The following PCDHGA9 variants were observed in gnomAD, a reference collection of about 807,000 sequenced individuals.
PCDHGA9 encodes the protein protocadherin gamma-A9.
In PCDHGA9, 37 loss-of-function variants were observed where a neutral mutation model predicts 62.5. The ratio of observed to expected loss-of-function variants is 0.59; its 90% CI spans 0.46 to 0.78. The LOEUF (loss-of-function observed/expected upper bound fraction) is 0.78, where lower values mean the gene tolerates loss of function less well. Among genes scored for constraint, PCDHGA9 ranks in the 30% least tolerant of loss-of-function variants. PCDHGA9 has a pLI of 0.00. For missense variants in PCDHGA9, 1,138 were observed against 1,166.2 expected (o/e 0.98, Z 0.35); for synonymous variants, 459 against 484.6 (o/e 0.95, Z 0.69).
Position 141,402,908 on chromosome 5 carries a change from G to A in PCDHGA9, c.-45G>A, listed in dbSNP as rs772824235. On this transcript the variant is annotated 5_prime_UTR_variant, in exon 1 of 4. Coordinates refer to ENST00000573521, the MANE Select transcript of PCDHGA9 (RefSeq NM_018921.3). The stretch of plus-strand genomic sequence containing the variant: ...GTGGAAGAAAGAACCTGATGAAGCA[G>A]CGCGCACAGAGATCCTTTTGAGAAA... 1 of 1,545,226 alleles carries A rather than the reference G, an allele frequency of 6.5e-7. No homozygotes were observed. Among genetic ancestry groups the A allele is most frequent in the Admixed American group, 2.0e-5 (1 of 49,136 alleles).
At position 141,423,686 on chromosome 5, in the gene PCDHGA9, A is replaced by T. The variant is rs752078243; in HGVS notation, c.2424+18310A>T. 10 of 1,328,296 alleles carry T rather than the reference A, an allele frequency of 7.5e-6. No homozygotes were observed. The East Asian group carries it at 3.6e-4, about 47-fold the overall frequency. The allele number at this position is 1,328,296 out of a possible 1,614,324, so 82.3% of individuals were successfully genotyped here. The stretch of plus-strand genomic sequence containing the variant: ...GTGAGATTTATTTCTCTGCCTCCTA[A>T]TTGTTGGTGTCTTGGCACAAGTCTT... On this transcript the variant is annotated intron_variant, in intron 1 of 3. Transcript: ENST00000573521.
intron 1 of PCDHGA9, among the ~76,000 whole-genome samples, chr5:141,448,871 G>A (rs1326162054): frequency 6.6e-6 from 1 of 152,148 alleles, no homozygotes; most frequent in Non-Finnish European, 1.5e-5. Flanking sequence ...CGTGAACCTG[G>A]GAGGCGGAGC....
At chr5:141,494,064 G>T (rs1233070772) in intron 1 of PCDHGA9, among the ~76,000 whole-genome samples, 2 of 152,160 alleles carry the variant, frequency 1.3e-5, no homozygotes, top group South Asian at 2.1e-4. Flanking sequence ...TGTGGGAGCT[G>T]GATCCCTCCC....
intron 1 of PCDHGA9, among the ~76,000 whole-genome samples, chr5:141,456,703 G>T (rs528071544): frequency 1.3e-5 from 2 of 152,062 alleles, no homozygotes; most frequent in Non-Finnish European, 2.9e-5. Context: ...GGTGGCTCGC[G>T]CCTGTAATCC....
Position 141,404,213 on chromosome 5 carries a change from A to G in PCDHGA9, c.1261A>G (p.Thr421Ala). ...AGAAAAAGCCTCAGAATATAATATC[A>G]CGGTGACTGCAACAGACAGAGGAAC... ...DREKASEYNI[T>A]VTATDRGTPP... is the part of the protein sequence containing the mutation. The change falls in exon 1 of 4, where the codon ACG becomes GCG. Residue 421 changes from threonine to alanine, a missense_variant. By Grantham distance (58) the Thr-to-Ala change is moderately conservative. Transcript: ENST00000573521. 6.2e-7 allele frequency: 1 copy of G among 1,613,516 alleles called. No homozygotes were observed. The highest frequency in any genetic ancestry group is 8.5e-7 in the Non-Finnish European group (1 of 1,179,556).
intron 1 of PCDHGA9, among the ~76,000 whole-genome samples, chr5:141,479,977 A>G (rs145953890): frequency 0.015 from 2,300 of 152,320 alleles, 30 homozygotes; most frequent in Non-Finnish European, 0.024. Context: ...AGGTTCTACC[A>G]TTTACCAACT....
Position 141,403,699 on chromosome 5 carries a change from TAA to T in PCDHGA9, c.749_750del (p.Lys250SerfsTer3). Reference protein sequence around the residue: ...PVFAQRIYRVKVLENVPPGTW... With the variant: ...PVFAQRIYRVXVLENVPPGTW... ...TTTTTGCTCAACGGATTTACCGAGT[TAA>T]AGTCCTTGAGAACGTGCCCCCAGGC... is the stretch of plus-strand genomic sequence containing the variant. On this transcript the variant is annotated frameshift_variant, in exon 1 of 4. Transcript: ENST00000573521. LOFTEE classifies it high-confidence loss of function. The T allele has an allele frequency of 6.2e-7, 1 of 1,613,934 alleles. No homozygotes were observed. Among genetic ancestry groups the T allele is most frequent in the East Asian group, 2.2e-5 (1 of 44,866 alleles).
chr5:141,409,624 G>C lies in PCDHGA9; in HGVS notation c.2424+4248G>C, dbSNP rs747166507. 11 of 1,613,728 alleles carry C rather than the reference G, an allele frequency of 6.8e-6. No homozygotes were observed. The South Asian group carries it at 8.8e-5, about 13-fold the overall frequency. On this transcript the variant is annotated intron_variant, in intron 1 of 3. Transcript: ENST00000573521. The stretch of plus-strand genomic sequence containing the variant: ...CGCCAGGAGCCTCCATTGCGCAAGT[G>C]AGCGCCTCTGACCCGGATTTGGGGC...
Position 141,489,338 on chromosome 5 carries a change from A to T in PCDHGA9, c.2425-5469A>T, listed in dbSNP as rs1303176012. 1 of 1,608,414 alleles carries T rather than the reference A, an allele frequency of 6.2e-7. No homozygotes were observed. Among genetic ancestry groups the T allele is most frequent in the South Asian group, 1.1e-5 (1 of 90,478 alleles). ...GGCTGGGTGTCTGGGCAGCTTCGTTACTCAGTGGTGGAGGAGTCTGAGCCG... is the reference window on the plus strand; with the variant it reads ...GGCTGGGTGTCTGGGCAGCTTCGTTTCTCAGTGGTGGAGGAGTCTGAGCCG... On this transcript the variant is annotated intron_variant, in intron 1 of 3. Coordinates refer to ENST00000573521, the MANE Select transcript of PCDHGA9 (RefSeq NM_018921.3). This position sits in a 1 kb window ranked among gnomAD's most constrained non-coding sequence, Gnocchi z 4.5.
Position 141,489,806 on chromosome 5 carries a change from A to G in PCDHGA9, c.2425-5001A>G. 1 of 1,614,198 alleles carries G rather than the reference A, an allele frequency of 6.2e-7. No homozygotes were observed. Among genetic ancestry groups the G allele is most frequent in the South Asian group, 1.1e-5 (1 of 91,082 alleles). Reference sequence around the variant, plus strand: ...AATGTGAAGACCCTAAAAGATGGGAAGCCATTCCCAGAGCTGGTGCTAGAG... The same window carrying G: ...AATGTGAAGACCCTAAAAGATGGGAGGCCATTCCCAGAGCTGGTGCTAGAG... On this transcript the variant is annotated intron_variant, in intron 1 of 3. Coordinates refer to ENST00000573521, the MANE Select transcript of PCDHGA9 (RefSeq NM_018921.3). The surrounding 1 kb of genome is among the most constrained non-coding windows in gnomAD (Gnocchi z 4.5).
chr5:141,413,485 G>C lies in PCDHGA9; in HGVS notation c.2424+8109G>C, dbSNP rs184712199. ...CCGGGAGGAGCTCTGCGCTCAGAGC[G>C]CGCGGTGCGTGGTGAGTTTTAATAT... is the stretch of plus-strand genomic sequence containing the variant. On this transcript the variant is annotated intron_variant, in intron 1 of 3. Coordinates refer to ENST00000573521, the MANE Select transcript of PCDHGA9 (RefSeq NM_018921.3). 439 of 1,614,058 alleles carry C rather than the reference G, an allele frequency of 2.7e-4. 1 individual carries two copies. In the African/African-American group the frequency reaches 4.6e-3, roughly 17 times the overall value.
intron 2 of PCDHGA9, among the ~76,000 whole-genome samples, chr5:141,500,775 T>C (rs1251282826): frequency 6.6e-6 from 1 of 152,218 alleles, no homozygotes; most frequent in Non-Finnish European, 1.5e-5. Context: ...CTTATGAATA[T>C]ACATATTATT....
intron 1 of PCDHGA9, chr5:141,419,395 G>A: frequency 6.2e-7 from 1 of 1,613,596 alleles, no homozygotes; most frequent in Non-Finnish European, 8.5e-7. Context: ...CGCAGAGCGG[G>A]GTGGTGTTCG....
At chr5:141,462,100 G>T (rs1202526885) in intron 1 of PCDHGA9, among the ~76,000 whole-genome samples, 1 of 152,164 alleles carries the variant, frequency 6.6e-6, no homozygotes, top group Non-Finnish European at 1.5e-5. Flanking sequence ...TGGGATTACA[G>T]GCATGAGCCA....
intron 1 of PCDHGA9, chr5:141,478,446 G>A: frequency 6.2e-7 from 1 of 1,613,520 alleles, no homozygotes; most frequent in Non-Finnish European, 8.5e-7. Flanking sequence ...AAGAAACCTG[G>A]TGCAGCCAGT....
At position 141,477,067 on chromosome 5, in the gene PCDHGA9, C is replaced by G. The variant is rs370882752; in HGVS notation, c.2425-17740C>G. 5.6e-5 allele frequency: 91 copies of G among 1,614,116 alleles called. No individual in the cohort carries two copies. Among genetic ancestry groups the G allele is most frequent in the Non-Finnish European group, 7.7e-5 (91 of 1,180,042 alleles). ...GGCTGGACTTCGAGGACACCAAACT[C>G]CATGAGATTTACATCCAGGCCAAAG... On this transcript the variant is annotated intron_variant, in intron 1 of 3. Transcript: ENST00000573521. This position sits in a 1 kb window ranked among gnomAD's most constrained non-coding sequence, Gnocchi z 4.9.
intron 3 of PCDHGA9, 48 bp downstream of exon 3, chr5:141,505,529 T>C (rs1479433990): frequency 1.9e-6 from 3 of 1,612,066 alleles, no homozygotes; most frequent in Non-Finnish European, 2.5e-6. Context: ...CCTGGGGTTC[T>C]GGGGTGCATC....
intron 1 of PCDHGA9, among the ~76,000 whole-genome samples, chr5:141,420,742 A>T (rs967908996): frequency 6.6e-6 from 1 of 152,254 alleles, no homozygotes; most frequent in African/African-American, 2.4e-5. Flanking sequence ...AATCAATTGG[A>T]ACCAACTACA....
At chr5:141,426,655 A>C (rs2096950037) in intron 1 of PCDHGA9, 1 of 424,748 alleles carries the variant, frequency 2.4e-6, no homozygotes, top group Non-Finnish European at 4.8e-6. Flanking sequence ...ATGATAGAAG[A>C]TATAAATGAT....
Sources: gnomAD v4.1 joint callset for allele counts (sites outside exome capture counted in the v4.1 genomes callset) on GRCh38, gnomAD v4.1.1 for gene constraint, Gnocchi (gnomAD v3.1) non-coding constraint, MANE v1.5 for transcripts, NCBI Gene and HGNC (gene_info 2026-07-23, HGNC 2026-07-21) for gene names.